KCNIP4: variants seen among roughly 807,000 people sequenced by gnomAD.
KCNIP4 encodes potassium voltage-gated channel interacting protein 4.
KCNIP4 carries 12 observed loss-of-function variants against 34.0 expected under a neutral mutation model. That is an observed-to-expected ratio of 0.35 (90% confidence interval 0.23 to 0.57). KCNIP4 has a LOEUF of 0.57. Ranked by LOEUF, KCNIP4 falls within the 20% of genes least tolerant of loss-of-function variation. The probability of loss-of-function intolerance (pLI) is 0.83; values close to 1 mark genes in which losing one functional copy is unlikely to be tolerated. For missense variants in KCNIP4, 238 were observed against 311.7 expected, an observed-to-expected ratio of 0.76 and a Z score of 1.78; for synonymous variants, 124 against 102.2, an observed-to-expected ratio of 1.21 and a Z score of -1.29.
At chr4:21,511,481 A>C (rs957841270) in intron 1 of KCNIP4, among the ~76,000 whole-genome samples, 3 of 152,152 alleles carry the variant, frequency 2.0e-5, no homozygotes, top group African/African-American at 7.2e-5. Flanking sequence ...ACGTACATGA[A>C]AAAGTGTATA....
In KCNIP4 at chr4:21,146,840, G is replaced by T. The variant is rs901439062; in HGVS notation, c.62-264131C>A. On this transcript the variant is annotated intron_variant, in intron 1 of 8. Coordinates refer to ENST00000382152, the MANE Select transcript of KCNIP4 (RefSeq NM_025221.6). ...TAAGCATAATTGAAGTCATAGAAAA[G>T]CATTTTTTATTCTTTTGCTCTATTA... Among the ~76,000 whole-genome samples, 5 of 151,972 alleles carry T rather than the reference G, an allele frequency of 3.3e-5. No individual in the cohort carries two copies. The East Asian group carries it at 9.7e-4, about 29-fold the overall frequency.
At chr4:20,991,562 G>C (rs1249532110) in intron 1 of KCNIP4, among the ~76,000 whole-genome samples, 1 of 152,136 alleles carries the variant, frequency 6.6e-6, no homozygotes, top group East Asian at 1.9e-4. Flanking sequence ...AGATGGCCAG[G>C]GAGACGTGAT....
chr4:21,013,981 T>A (rs915526604), intron 1 of KCNIP4, among the ~76,000 whole-genome samples: 1 of 152,132 alleles, frequency 6.6e-6, no homozygotes, highest in Non-Finnish European at 1.5e-5. Flanking sequence ...CTTCTTATCT[T>A]CCCAACTTAC....
chr4:21,041,690 C>T (rs984786321), intron 1 of KCNIP4, among the ~76,000 whole-genome samples: 7 of 152,208 alleles, frequency 4.6e-5, no homozygotes, highest in Admixed American at 6.5e-5. Flanking sequence ...AATGATCTTT[C>T]GGTGATGACA....
At chr4:21,233,945 ACATATAACATATATAACATATAT>A (rs1376201428) in intron 1 of KCNIP4, among the ~76,000 whole-genome samples, 3 of 136,318 alleles carry the variant, frequency 2.2e-5, no homozygotes, top group African/African-American at 8.4e-5. Context: ...TATAAATATT[ACATATAACATATATAACATATAT>A]TATATAACAT....
intron 1 of KCNIP4, among the ~76,000 whole-genome samples, chr4:21,774,835 G>A (rs1719062938): frequency 6.6e-6 from 1 of 152,012 alleles, no homozygotes; most frequent in African/African-American, 2.4e-5. Context: ...ATTCTAATTA[G>A]CAATTCATCT....
At chr4:21,368,568 T>C (rs1247481940) in intron 1 of KCNIP4, among the ~76,000 whole-genome samples, 1 of 147,140 alleles carries the variant, frequency 6.8e-6, no homozygotes, top group East Asian at 2.0e-4. Flanking sequence ...CCCAGTAAGG[T>C]TGGGTAATTT....
chr4:21,685,322 A>C (rs1473254407), intron 1 of KCNIP4, among the ~76,000 whole-genome samples: 2 of 152,200 alleles, frequency 1.3e-5, no homozygotes, highest in African/African-American at 2.4e-5. Context: ...CTGGCTTGTA[A>C]AAGTACTCAG....
At chr4:21,805,680 T>C (rs116391588) in intron 1 of KCNIP4, among the ~76,000 whole-genome samples, 4,605 of 152,226 alleles carry the variant, frequency 0.03, 225 homozygotes, top group African/African-American at 0.1. Flanking sequence ...GTAATATCTC[T>C]ATACTCTCTG....
chr4:21,937,600 C>T (rs1258477214), intron 1 of KCNIP4, among the ~76,000 whole-genome samples: 1 of 152,114 alleles, frequency 6.6e-6, no homozygotes, highest in Non-Finnish European at 1.5e-5. Context: ...ATCTTCTCCA[C>T]TTTGATATCC....
intron 1 of KCNIP4, among the ~76,000 whole-genome samples, chr4:21,859,452 CAAA>C (rs11362552): frequency 4.8e-5 from 7 of 146,946 alleles, no homozygotes; most frequent in African/African-American, 1.0e-4. Context: ...ACTAAAAATA[CAAA>C]AAAAAAAAAA....
chr4:21,357,699 G>A (rs901284651), intron 1 of KCNIP4, among the ~76,000 whole-genome samples: 1 of 152,128 alleles, frequency 6.6e-6, no homozygotes. Context: ...GGAGAAATAG[G>A]AACACTTTTA....
At chr4:20,916,985 TTATATATATATA>T (rs1157104290) in intron 1 of KCNIP4, among the ~76,000 whole-genome samples, 10 of 41,364 alleles carry the variant, frequency 2.4e-4, no homozygotes, top group South Asian at 2.8e-3. Context: ...CATCTTATGT[TTATATATATATA>T]TATATATATA....
At chr4:21,540,005 A>G (rs531278157) in intron 1 of KCNIP4, among the ~76,000 whole-genome samples, 1 of 152,114 alleles carries the variant, frequency 6.6e-6, no homozygotes, top group East Asian at 1.9e-4. Flanking sequence ...CAGACAAAAA[A>G]AAAAAAAAAG....
chr4:21,741,774 C>G (rs1002300616), intron 1 of KCNIP4, among the ~76,000 whole-genome samples: 3 of 152,138 alleles, frequency 2.0e-5, no homozygotes, highest in Admixed American at 6.5e-5. Context: ...CGTGGTGGCT[C>G]ATGCCTGTAA....
chr4:21,830,055 G>A (rs534329699), intron 1 of KCNIP4, among the ~76,000 whole-genome samples: 6 of 152,132 alleles, frequency 3.9e-5, no homozygotes, highest in East Asian at 1.9e-4. Flanking sequence ...TAAAGTAGCC[G>A]AAGGAATAAA....
intron 1 of KCNIP4, among the ~76,000 whole-genome samples, chr4:21,532,174 T>C (rs1372196913): frequency 6.6e-6 from 1 of 152,144 alleles, no homozygotes. Context: ...AGAGATATAA[T>C]GAGATAGATG....
chr4:21,912,459 T>C (rs992004399), intron 1 of KCNIP4, among the ~76,000 whole-genome samples: 11 of 152,326 alleles, frequency 7.2e-5, no homozygotes, highest in African/African-American at 2.4e-4. Flanking sequence ...CAATCTAGTG[T>C]AGGAAACAAA....
At chr4:21,040,850 T>A (rs985590970) in intron 1 of KCNIP4, among the ~76,000 whole-genome samples, 3 of 143,562 alleles carry the variant, frequency 2.1e-5, no homozygotes, top group Admixed American at 1.4e-4. Flanking sequence ...ATAAGAAGCG[T>A]TTTTTTTTCT....
Sources: gnomAD v4.1 joint callset for allele counts (sites outside exome capture counted in the v4.1 genomes callset) on GRCh38, gnomAD v4.1.1 for gene constraint, MANE v1.5 for transcripts, NCBI Gene and HGNC (gene_info 2026-07-23, HGNC 2026-07-21) for gene names.